Variants in CACNB4 observed in about 807,000 individuals in gnomAD.
The protein encoded by CACNB4 is voltage-dependent L-type calcium channel subunit beta-4.
A neutral mutation model predicts 71.2 loss-of-function variants in CACNB4; 32 were observed. That is an observed-to-expected ratio of 0.45 (90% CI 0.34 to 0.60). The LOEUF (loss-of-function observed/expected upper bound fraction) is 0.60, where lower values mean the gene tolerates loss of function less well. Among genes scored for constraint, CACNB4 ranks in the 20% least tolerant of loss-of-function variants. The pLI is 0.01. For missense variants in CACNB4, 464 were observed against 647.9 expected, an observed-to-expected ratio of 0.72 and a Z score of 3.08; for synonymous variants, 231 against 236.9, an observed-to-expected ratio of 0.97 and a Z score of 0.23.
chr2:152,058,222 T>C (rs1156832559), intron 2 of CACNB4, among the ~76,000 whole-genome samples: 1 of 152,186 alleles, frequency 6.6e-6, no homozygotes, highest in Non-Finnish European at 1.5e-5. Flanking sequence ...GTCTCAAGTA[T>C]TTCTTCACAG....
At chr2:152,086,613 A>T (rs531625706) in intron 2 of CACNB4, among the ~76,000 whole-genome samples, 2 of 152,396 alleles carry the variant, frequency 1.3e-5, no homozygotes, top group South Asian at 4.1e-4. Flanking sequence ...GTTACTATGA[A>T]CATCTAGACA....
At chr2:152,081,608 T>G (rs959684555) in intron 2 of CACNB4, among the ~76,000 whole-genome samples, 10 of 152,212 alleles carry the variant, frequency 6.6e-5, no homozygotes, top group African/African-American at 2.4e-4. Context: ...GAGAGAGCTC[T>G]GGTCCCCCTT....
At chr2:151,968,367 T>A (rs1230432465) in intron 2 of CACNB4, 11 of 152,220 alleles carry the variant, frequency 7.2e-5, no homozygotes. Flanking sequence ...TCTGTAGCGC[T>A]TCCTTGGTAC....
chr2:151,911,755 C>A (rs1578757132), intron 2 of CACNB4, among the ~76,000 whole-genome samples: 1 of 152,238 alleles, frequency 6.6e-6, no homozygotes, highest in African/African-American at 2.4e-5. Context: ...GAAATGGTAC[C>A]AGCTCCTCCT....
chr2:151,918,961 T>C (rs149354897), intron 2 of CACNB4, among the ~76,000 whole-genome samples: 1 of 152,330 alleles, frequency 6.6e-6, no homozygotes, highest in African/African-American at 2.4e-5. Flanking sequence ...TCAAAAGGTA[T>C]GTAGGAGGGC....
At chr2:151,876,993 A>G (rs953577088) in intron 4 of CACNB4, among the ~76,000 whole-genome samples, 1 of 147,550 alleles carries the variant, frequency 6.8e-6, no homozygotes, top group Non-Finnish European at 1.5e-5. Context: ...CCTATACTAT[A>G]TATTAATATA....
At chr2:151,963,311 CAAAAAAAAA>C (rs71410446) in intron 2 of CACNB4, among the ~76,000 whole-genome samples, 1 of 60,400 alleles carries the variant, frequency 1.7e-5, no homozygotes, top group Non-Finnish European at 3.3e-5. Context: ...GACACCGTCT[CAAAAAAAAA>C]AAAAAAAAAA....
chr2:151,909,141 A>G (rs1015805622), intron 2 of CACNB4, among the ~76,000 whole-genome samples: 18 of 148,406 alleles, frequency 1.2e-4, no homozygotes, highest in Non-Finnish European at 2.1e-4. Flanking sequence ...TTTAAAAAAG[A>G]GGGGGCTGGT....
chr2:151,977,226 T>C (rs760831091), intron 2 of CACNB4, among the ~76,000 whole-genome samples: 19 of 152,322 alleles, frequency 1.2e-4, no homozygotes, highest in Non-Finnish European at 2.4e-4. Context: ...CTCAACTCTT[T>C]TCCAGTTATC....
intron 2 of CACNB4, among the ~76,000 whole-genome samples, chr2:151,901,539 T>C (rs1297845722): frequency 6.6e-6 from 1 of 152,084 alleles, no homozygotes; most frequent in Non-Finnish European, 1.5e-5. Flanking sequence ...CAATACCATC[T>C]ACAATACTAC....
chr2:151,933,921 T>G (rs2099862279), intron 2 of CACNB4, among the ~76,000 whole-genome samples: 2 of 152,250 alleles, frequency 1.3e-5, no homozygotes, highest in Admixed American at 1.3e-4. Context: ...CTGTGGAATA[T>G]GAAATCTGCA....
rs1438484143 is a variant in CACNB4, at chr2:152,036,412, G to A, written c.147+61918C>T. Among the ~76,000 whole-genome samples the A allele has an allele frequency of 2.6e-5, 4 of 152,276 alleles. No individual in the cohort carries two copies. The East Asian group carries it at 7.7e-4, about 29-fold the overall frequency. On this transcript the variant is annotated intron_variant, in intron 2 of 13. Transcript: ENST00000539935. Reference sequence around the variant, plus strand: ...CTTTCCAGGTTCAAGCAATGCTCTTGCCTCCGCCTCCCAAGTAGCTGGGAT... The same window carrying A: ...CTTTCCAGGTTCAAGCAATGCTCTTACCTCCGCCTCCCAAGTAGCTGGGAT...
intron 2 of CACNB4, among the ~76,000 whole-genome samples, chr2:151,920,910 G>A (rs1005258729): frequency 3.3e-5 from 5 of 151,956 alleles, no homozygotes; most frequent in African/African-American, 4.8e-5. Flanking sequence ...AGGCCAAGGC[G>A]GACGGATCAC....
At chr2:151,996,282 C>T (rs1682037140) in intron 2 of CACNB4, among the ~76,000 whole-genome samples, 1 of 152,156 alleles carries the variant, frequency 6.6e-6, no homozygotes, top group Non-Finnish European at 1.5e-5. Context: ...AAGGCTTAAC[C>T]TCTCCTGTGT....
intron 2 of CACNB4, among the ~76,000 whole-genome samples, chr2:151,886,238 C>T (rs1030655211): frequency 6.6e-6 from 1 of 152,136 alleles, no homozygotes; most frequent in African/African-American, 2.4e-5. Context: ...CATCAGGAAC[C>T]CAAGTGAGAC....
chr2:152,036,724 T>C lies in CACNB4; in HGVS notation c.147+61606A>G, dbSNP rs182204153. Among the ~76,000 whole-genome samples, 204 of 117,412 alleles carry C rather than the reference T, an allele frequency of 1.7e-3. 1 individual carries two copies. Among genetic ancestry groups the C allele is most frequent in the Middle Eastern group, 9.3e-3 (2 of 214 alleles). 77.0% of individuals were successfully genotyped at this position (117,412 alleles called of 152,430 possible). A position where few individuals can be genotyped will look rare whatever the true frequency, so the allele number is the denominator to read the frequency against. ...AGACTTTCCAGAGTCTTGGAAGTAA[T>C]ATTTCTGGGTTACTTTAGGCTACTC... On this transcript the variant is annotated intron_variant, in intron 2 of 13. Transcript: ENST00000539935.
At chr2:151,963,248 C>T (rs971706941) in intron 2 of CACNB4, among the ~76,000 whole-genome samples, 3 of 142,278 alleles carry the variant, frequency 2.1e-5, no homozygotes, top group African/African-American at 5.3e-5. Context: ...GGAGACGGAG[C>T]TTGTAGTGAG....
rs1391285055 is a variant in CACNB4 at position 151,835,862 on chromosome 2, A to G, written c.*3257T>C. 2 of 151,828 alleles carry G rather than the reference A, an allele frequency of 1.3e-5. No individual in the cohort carries two copies. Among genetic ancestry groups the G allele is most frequent in the Non-Finnish European group, 3.0e-5 (2 of 67,734 alleles). The allele number at this position is 151,828 out of a possible 1,614,324, so 9.4% of individuals were successfully genotyped here. On this transcript the variant is annotated 3_prime_UTR_variant, in exon 14 of 14. Coordinates refer to ENST00000539935, the MANE Select transcript of CACNB4 (RefSeq NM_000726.5). ...AGCAGATTATTTAAAGGAAACAAAT[A>G]ATTGTCTCAGAATTTGTTTTACATT... is the stretch of plus-strand genomic sequence containing the variant.
chr2:151,867,644 A>G (rs2099843504), intron 9 of CACNB4: 1 of 152,210 alleles, frequency 6.6e-6, no homozygotes, highest in Admixed American at 6.5e-5. Flanking sequence ...GAATGTGACG[A>G]AGGCTATTAT....
Sources: allele counts gnomAD v4.1 joint callset (sites outside exome capture counted in the v4.1 genomes callset), GRCh38; gene constraint gnomAD v4.1.1; transcripts MANE v1.5; gene names NCBI Gene and HGNC (gene_info 2026-07-23, HGNC 2026-07-21).